Variants in CPS1 observed in about 807,000 individuals in gnomAD.
CPS1 encodes the protein carbamoyl-phosphate synthase [ammonia], mitochondrial.
A neutral mutation model predicts 174.6 loss-of-function variants in CPS1; 109 were observed. The ratio of observed to expected loss-of-function variants is 0.62; its 90% confidence interval spans 0.53 to 0.73. The LOEUF (loss-of-function observed/expected upper bound fraction) is 0.73, where lower values mean the gene tolerates loss of function less well. CPS1 is among the 30% of genes least tolerant of loss of function. The pLI, the probability that CPS1 is intolerant of heterozygous loss-of-function variation, is 0.00. For missense variants in CPS1, 1,689 were observed against 1,821.9 expected (o/e 0.93, Z 1.33); for synonymous variants, 637 against 632.0 (o/e 1.01, Z -0.12).
At chr2:210,650,532 A>T in intron 28 of CPS1, 94 bp downstream of exon 28, 1 of 918,640 alleles carries the variant, frequency 1.1e-6, no homozygotes, top group Non-Finnish European at 1.8e-6. Context: ...TTATCTCTTA[A>T]TGCAACCTTA....
chr2:210,570,300 T>C (rs1697432059), intron 1 of CPS1, among the ~76,000 whole-genome samples: 4 of 151,956 alleles, frequency 2.6e-5, no homozygotes, highest in Non-Finnish European at 5.9e-5. Context: ...TCTCAGGGAC[T>C]ATTTCACGCA....
Position 210,588,159 on chromosome 2 carries a change from G to C in CPS1, c.711+12G>C. The stretch of plus-strand genomic sequence containing the variant: ...GCCTGCTAGTAAAGGTAAGTAATTT[G>C]TTCATTTCAAAGGTGAGGGTTTGTC... On this transcript the variant is annotated intron_variant, in intron 7 of 37. Transcript: ENST00000233072. 1.2e-6 allele frequency: 2 copies of C among 1,609,338 alleles called. No homozygotes were observed. Among genetic ancestry groups the C allele is most frequent in the Middle Eastern group, 3.3e-4 (2 of 6,048 alleles).
At chr2:210,663,238 CTTTGAAATCTAT>C in intron 33 of CPS1, 41 bp downstream of exon 33, 1 of 1,548,738 alleles carries the variant, frequency 6.5e-7, no homozygotes, top group Non-Finnish European at 8.9e-7. Flanking sequence ...ATTAAATCTA[CTTTGAAATCTAT>C]GGTTTTATGA....
intron 13 of CPS1, among the ~76,000 whole-genome samples, chr2:210,598,272 C>G (rs1438532161): frequency 9.9e-5 from 15 of 151,822 alleles, no homozygotes; most frequent in Admixed American, 9.9e-4. Flanking sequence ...CGTAGACACA[C>G]AGACCAGTGT....
At chr2:210,491,313 T>TTTTG (rs1694869751) in intron 1 of CPS1, among the ~76,000 whole-genome samples, 1 of 108,456 alleles carries the variant, frequency 9.2e-6, no homozygotes, top group African/African-American at 3.5e-5. Context: ...CTGTGTTTTT[T>TTTTG]TTTTTTTTTT....
chr2:210,602,768 GAAAC>G (rs1410063786), intron 16 of CPS1, among the ~76,000 whole-genome samples: 5 of 151,874 alleles, frequency 3.3e-5, no homozygotes, highest in African/African-American at 1.2e-4. Flanking sequence ...TCCAGAAAGT[GAAAC>G]AAAGCACATT....
At position 210,579,809 on chromosome 2, in the gene CPS1, G is replaced by GGTGTGTGT. The variant is rs35833900; in HGVS notation, c.528+57_528+64dup. 2.3e-3 allele frequency: 3,054 copies of GGTGTGTGT among 1,338,436 alleles called. 10 individuals are homozygous for GGTGTGTGT. The Middle Eastern group carries it at 0.031, about 14-fold the overall frequency. 82.9% of individuals were successfully genotyped at this position (1,338,436 alleles called of 1,614,324 possible). A position where few individuals can be genotyped will look rare whatever the true frequency, so the allele number is the denominator to read the frequency against. ...CTTTAGCCAAATCTATGTTTCTTCGGGTGTGTGTGTGTGTGTGTGTGTGTG... is the reference window on the plus strand; with the variant it reads ...CTTTAGCCAAATCTATGTTTCTTCGGGTGTGTGTGTGTGTGTGTGTGTGTGTGTGTGTG... On this transcript the variant is annotated intron_variant, in intron 5 of 37. Transcript: ENST00000233072.
At chr2:210,616,610 T>C in intron 21 of CPS1, 69 bp downstream of exon 21, 1 of 937,560 alleles carries the variant, frequency 1.1e-6, no homozygotes. Flanking sequence ...TTCTTCCTAC[T>C]CTTAAGCATT....
chr2:210,526,129 C>T (rs1481553603), intron 1 of CPS1, among the ~76,000 whole-genome samples: 7 of 151,734 alleles, frequency 4.6e-5, no homozygotes, highest in Non-Finnish European at 5.9e-5. Context: ...AACTAACACA[C>T]GAACAGAAAA....
At chr2:210,522,340 G>A (rs969581417) in intron 1 of CPS1, among the ~76,000 whole-genome samples, 10 of 151,914 alleles carry the variant, frequency 6.6e-5, no homozygotes, top group African/African-American at 2.4e-4. Context: ...TATCATTCTT[G>A]TATTTTAAGG....
chr2:210,546,632 T>G (rs1270390688), intron 1 of CPS1, among the ~76,000 whole-genome samples: 1 of 152,120 alleles, frequency 6.6e-6, no homozygotes, highest in East Asian at 1.9e-4. Flanking sequence ...GATAAAATAT[T>G]GCATCATTTT....
upstream of CPS1, among the ~76,000 whole-genome samples, chr2:210,553,162 A>G (rs574917875): frequency 6.6e-5 from 10 of 151,408 alleles, no homozygotes; most frequent in African/African-American, 2.2e-4. Context: ...TACATTTAAC[A>G]TAATATTGCC....
At chr2:210,634,455 A>G (rs1422834296) in intron 21 of CPS1, among the ~76,000 whole-genome samples, 2 of 152,126 alleles carry the variant, frequency 1.3e-5, no homozygotes, top group Non-Finnish European at 2.9e-5. Context: ...TGTTTCCTCT[A>G]CTTTCAAAAT....
At chr2:210,555,630 CT>C, upstream of CPS1, 1 of 455,590 alleles carries the variant, frequency 2.2e-6, no homozygotes, top group South Asian at 1.6e-5. Context: ...TTTCTGTCAT[CT>C]TTTCTGTTAT....
chr2:210,602,845 A>C (rs1019904704), intron 16 of CPS1, among the ~76,000 whole-genome samples: 3 of 151,956 alleles, frequency 2.0e-5, no homozygotes, highest in Admixed American at 2.0e-4. Context: ...ACCACTCAAT[A>C]CAGTAAATGA....
chr2:210,497,889 C>CATATATATATATAT (rs1401841718), intron 1 of CPS1, among the ~76,000 whole-genome samples: 1,151 of 62,738 alleles, frequency 0.018, 11 homozygotes, highest in Non-Finnish European at 0.024. Flanking sequence ...ACAATATATA[C>CATATATATATATAT]ATACATATAT....
chr2:210,646,234 T>G (rs781311031), intron 25 of CPS1, among the ~76,000 whole-genome samples: 28 of 152,108 alleles, frequency 1.8e-4, no homozygotes, highest in Non-Finnish European at 4.0e-4. Flanking sequence ...TCTAAAACAT[T>G]AACAACACTG....
At position 210,658,461 on chromosome 2, in the gene CPS1, A is replaced by G. The variant is rs1248676657; in HGVS notation, c.3667-138A>G. 4.5e-6 allele frequency: 3 copies of G among 668,332 alleles called. No individual in the cohort carries two copies. The Admixed American group carries it at 6.7e-5, about 15-fold the overall frequency. The allele number at this position is 668,332 out of a possible 1,614,324, so 41.4% of individuals were successfully genotyped here. A position where few individuals can be genotyped will look rare whatever the true frequency, so the allele number is the denominator to read the frequency against. On this transcript the variant is annotated intron_variant, in intron 30 of 37. Coordinates refer to ENST00000233072, the MANE Select transcript of CPS1 (RefSeq NM_001875.5). ...GAAACCTAATAGTGCCCTCCATTAT[A>G]ATTATTAATGTAGATATATAGCTGT... is the stretch of plus-strand genomic sequence containing the variant.
intron 1 of CPS1, among the ~76,000 whole-genome samples, chr2:210,535,724 T>C (rs1187327468): frequency 1.3e-5 from 2 of 152,114 alleles, no homozygotes; most frequent in Non-Finnish European, 2.9e-5. Context: ...AAAATACATC[T>C]GCTAATATTT....
Sources: allele counts gnomAD v4.1 joint callset (sites outside exome capture counted in the v4.1 genomes callset), GRCh38; gene constraint gnomAD v4.1.1; transcripts MANE v1.5; gene names NCBI Gene and HGNC (gene_info 2026-07-23, HGNC 2026-07-21).